PPID: variants seen among roughly 807,000 people sequenced by gnomAD.
PPID encodes the protein peptidyl-prolyl cis-trans isomerase D.
A neutral mutation model predicts 48.1 loss-of-function variants in PPID; 47 were observed. That is an observed-to-expected ratio of 0.98 (90% confidence interval 0.77 to 1.25). The LOEUF is 1.25. PPID is among the 50% of genes most tolerant of loss of function. The probability of loss-of-function intolerance (pLI) is 0.00; values close to 1 mark genes in which losing one functional copy is unlikely to be tolerated. For synonymous variants in PPID, 163 were observed against 148.8 expected (o/e 1.10, Z -0.69); for missense variants, 429 against 443.5 (o/e 0.97, Z 0.29).
chr4:158,722,243 C>T (rs1440784436), intron 1 of PPID, among the ~76,000 whole-genome samples: 2 of 152,176 alleles, frequency 1.3e-5, no homozygotes, highest in Non-Finnish European at 2.9e-5. Context: ...AGTTTTAAAT[C>T]CTGAGTAATT....
At position 158,710,787 on chromosome 4, in the gene PPID, C is replaced by A; in HGVS notation, c.956G>T (p.Gly319Val). The change falls in exon 8 of 10, where the codon GGA becomes GTA. Residue 319 changes from glycine (G) to valine (V), a missense_variant. Gly to Val is a moderately radical substitution (Grantham distance 109). Coordinates refer to ENST00000307720, the MANE Select transcript of PPID (RefSeq NM_005038.3). The part of the protein sequence containing the change: ...ALYRRAQGWQ[G>V]LKEYDQALAD... ...CAATGCTTGATCATATTCTTTTAAT[C>A]CTTGCCATCCTTGAGCTCTGCGGTA... 6.2e-7 allele frequency: 1 copy of A among 1,613,860 alleles called. No individual in the cohort carries two copies. The highest frequency in any genetic ancestry group is 8.5e-7 in the Non-Finnish European group (1 of 1,179,800).
At chr4:158,715,437 G>T (rs760358175) in intron 5 of PPID, 34 bp from the exon 6 acceptor site, 2 of 1,484,928 alleles carry the variant, frequency 1.3e-6, no homozygotes, top group East Asian at 2.4e-5. Flanking sequence ...TTGGATTTTA[G>T]TAAGTAATGT....
At chr4:158,717,476 C>CG (rs1428928766) in intron 3 of PPID, among the ~76,000 whole-genome samples, 3 of 152,002 alleles carry the variant, frequency 2.0e-5, no homozygotes, top group East Asian at 1.9e-4. Context: ...AAACAATAGT[C>CG]GGGGGGAGGG....
At chr4:158,715,950 G>A (rs968880644) in intron 4 of PPID, among the ~76,000 whole-genome samples, 2 of 152,174 alleles carry the variant, frequency 1.3e-5, no homozygotes, top group African/African-American at 2.4e-5. Flanking sequence ...ATTAGGTGGG[G>A]CATGAGCTTC....
chr4:158,721,359 T>A lies in PPID; in HGVS notation c.210A>T (p.Gly70=). The A allele has an allele frequency of 1.9e-6, 3 of 1,614,136 alleles. No homozygotes were observed. The highest frequency in any genetic ancestry group is 2.5e-6 in the Non-Finnish European group (3 of 1,179,996). Residue 70 remains glycine (G), a synonymous_variant, in exon 2 of 10, where the codon GGA becomes GGT. Coordinates refer to ENST00000307720, the MANE Select transcript of PPID (RefSeq NM_005038.3). Reference sequence around the variant, plus strand: ...TACACATACTTCGATGAAAAGGGCATCCTTTGAAATGGAGAGGTTTCCCAG... The same window carrying A: ...TACACATACTTCGATGAAAAGGGCAACCTTTGAAATGGAGAGGTTTCCCAG... ...HTTGKPLHFK[G]CPFHRIIKKF...
intron 7 of PPID, 47 bp downstream of exon 7, chr4:158,713,070 TAA>T: frequency 6.3e-7 from 1 of 1,590,022 alleles, no homozygotes; most frequent in South Asian, 1.1e-5. Context: ...CTATTCAAAC[TAA>T]GTCTTAATCC....
In PPID at chr4:158,723,189, T is replaced by A. The variant is rs917419761; in HGVS notation, c.85+15A>T. 5 of 1,609,828 alleles carry A rather than the reference T, an allele frequency of 3.1e-6. No homozygotes were observed. The highest frequency in any genetic ancestry group is 2.2e-5 in the East Asian group (1 of 44,830). ...CCTCCTCGGGGCTTTTCCGCGAGCG[T>A]CAGACTCCGCTCACCTCGCTCCCCT... On this transcript the variant is annotated intron_variant, in intron 1 of 9. Coordinates refer to ENST00000307720, the MANE Select transcript of PPID (RefSeq NM_005038.3).
intron 4 of PPID, among the ~76,000 whole-genome samples, chr4:158,716,110 G>A (rs1774869024): frequency 6.6e-6 from 1 of 150,910 alleles, no homozygotes; most frequent in Non-Finnish European, 1.5e-5. Context: ...TTTTTTAATA[G>A]AGACAGCATC....
At chr4:158,717,337 T>TA in intron 3 of PPID, 137 bp from the exon 4 acceptor site, 3 of 620,160 alleles carry the variant, frequency 4.8e-6, no homozygotes, top group Non-Finnish European at 7.2e-6. Context: ...TACTTTTTTT[T>TA]ACTTTTCACT....
Position 158,723,241 on chromosome 4 carries a change from A to AG in PPID, c.47dup (p.Arg17SerfsTer5). On this transcript the variant is annotated frameshift_variant, in exon 1 of 10. Coordinates refer to ENST00000307720, the MANE Select transcript of PPID (RefSeq NM_005038.3). LOFTEE classifies it high-confidence loss of function. ...CGATGTCCACGTCAAAGAAGACTCG[A>AG]GGGTTACTGGGGTTGGAGGGCTTGG... 1.2e-6 allele frequency: 2 copies of AG among 1,613,976 alleles called. No homozygotes were observed. Among genetic ancestry groups the AG allele is most frequent in the Non-Finnish European group, 1.7e-6 (2 of 1,179,984 alleles).
chr4:158,719,151 A>C, intron 3 of PPID, 29 bp downstream of exon 3: 2 of 1,402,068 alleles, frequency 1.4e-6, no homozygotes, highest in South Asian at 2.4e-5. Flanking sequence ...TCTTTTTATC[A>C]GCAATAACAT....
rs1454470151 is a variant in PPID, at chr4:158,723,244, G to A, written c.45C>T (p.Asn15=). 1.2e-6 allele frequency: 2 copies of A among 1,614,066 alleles called. No homozygotes were observed. The highest frequency in any genetic ancestry group is 2.2e-5 in the East Asian group (1 of 44,884). ...SPQAKPSNPS[N]PRVFFDVDIG... ...TGTCCACGTCAAAGAAGACTCGAGGGTTACTGGGGTTGGAGGGCTTGGCTT... is the reference window on the plus strand; with the variant it reads ...TGTCCACGTCAAAGAAGACTCGAGGATTACTGGGGTTGGAGGGCTTGGCTT... Residue 15 remains asparagine, a synonymous_variant, in exon 1 of 10, where the codon AAC becomes AAT. Transcript: ENST00000307720.
At chr4:158,718,975 A>G (rs1285369919) in intron 3 of PPID, among the ~76,000 whole-genome samples, 1 of 152,248 alleles carries the variant, frequency 6.6e-6, no homozygotes, top group Admixed American at 6.5e-5. Flanking sequence ...TAAAAACTGG[A>G]TCACAATGAA....
Position 158,716,946 on chromosome 4 carries a change from G to A in PPID, c.522+66C>T, listed in dbSNP as rs1236546432. Reference sequence around the variant, plus strand: ...ACTGCACTCCAGCCTGGAACAGATCGAGACTCCGTCTCAAAAAGATAGCAA... The same window carrying A: ...ACTGCACTCCAGCCTGGAACAGATCAAGACTCCGTCTCAAAAAGATAGCAA... On this transcript the variant is annotated intron_variant, in intron 4 of 9. Transcript: ENST00000307720. The A allele has an allele frequency of 2.9e-5, 44 of 1,513,236 alleles. 1 individual carries two copies. Among genetic ancestry groups the A allele is most frequent in the African/African-American group, 2.4e-4 (17 of 72,198 alleles). The allele number at this position is 1,513,236 out of a possible 1,614,324, so 93.7% of individuals were successfully genotyped here.
intron 3 of PPID, 41 bp from the exon 4 acceptor site, chr4:158,717,241 G>A: frequency 6.5e-7 from 1 of 1,544,622 alleles, no homozygotes; most frequent in Non-Finnish European, 8.8e-7. Context: ...GGTTAGATGT[G>A]TTCTTTTCTG....
intron 9 of PPID, 78 bp from the exon 10 acceptor site, chr4:158,709,902 T>TTA: frequency 8.4e-7 from 1 of 1,193,058 alleles, no homozygotes; most frequent in Non-Finnish European, 1.2e-6. Flanking sequence ...TATTTTAATG[T>TTA]TAACTACCCC....
intron 9 of PPID, 124 bp from the exon 10 acceptor site, chr4:158,709,948 G>GT: frequency 1.5e-6 from 1 of 679,284 alleles, no homozygotes; most frequent in South Asian, 2.0e-5. Flanking sequence ...CTAAGCCCTA[G>GT]TAACAGAAAA....
intron 9 of PPID, chr4:158,710,346 C>G (rs1774767751): frequency 3.9e-6 from 2 of 511,528 alleles, no homozygotes; most frequent in Non-Finnish European, 3.5e-6. Flanking sequence ...TACCATAAGA[C>G]AAACAGTATT....
chr4:158,711,308 C>T (rs1360533677), intron 7 of PPID, among the ~76,000 whole-genome samples: 1 of 152,026 alleles, frequency 6.6e-6, no homozygotes, highest in Admixed American at 6.6e-5. Flanking sequence ...TCACTGCTGC[C>T]TCAACCCCCC....
Sources: allele counts gnomAD v4.1 joint callset (sites outside exome capture counted in the v4.1 genomes callset), GRCh38; gene constraint gnomAD v4.1.1; transcripts MANE v1.5; gene names NCBI Gene and HGNC (gene_info 2026-07-23, HGNC 2026-07-21).